Variants in MACROD2 observed in about 807,000 individuals in gnomAD.
MACROD2 encodes the protein ADP-ribose glycohydrolase MACROD2.
A neutral mutation model predicts 70.4 loss-of-function variants in MACROD2; 36 were observed. That is an observed-to-expected ratio of 0.51 (90% confidence interval 0.39 to 0.68). MACROD2 has a LOEUF of 0.68. MACROD2 is among the 30% of genes least tolerant of loss of function. MACROD2 has a pLI of 0.00. For missense variants in MACROD2, 496 were observed against 538.4 expected, an observed-to-expected ratio of 0.92 and a Z score of 0.78; for synonymous variants, 172 against 178.8, an observed-to-expected ratio of 0.96 and a Z score of 0.30.
At chr20:14,310,049 C>T (rs1428600511) in intron 3 of MACROD2, among the ~76,000 whole-genome samples, 2 of 152,026 alleles carry the variant, frequency 1.3e-5, no homozygotes, top group African/African-American at 4.8e-5. Flanking sequence ...GAAGTTATTT[C>T]CTCTTATCTT....
chr20:14,468,905 C>T (rs974124794), intron 3 of MACROD2, among the ~76,000 whole-genome samples: 1 of 152,064 alleles, frequency 6.6e-6, no homozygotes, highest in African/African-American at 2.4e-5. Flanking sequence ...CAGCCTGTGT[C>T]TTTGAATTGG....
chr20:14,384,835 T>A (rs2122783188), intron 3 of MACROD2, among the ~76,000 whole-genome samples: 1 of 152,332 alleles, frequency 6.6e-6, no homozygotes, highest in East Asian at 1.9e-4. Flanking sequence ...AGAGTTTCCA[T>A]CTGATATACT....
intron 5 of MACROD2, among the ~76,000 whole-genome samples, chr20:14,969,998 A>G (rs1356368914): frequency 6.6e-6 from 1 of 150,848 alleles, no homozygotes; most frequent in African/African-American, 2.5e-5. Flanking sequence ...TCATTGTAAT[A>G]TATAGTTGTA....
chr20:15,879,783 T>C (rs1336647349), intron 9 of MACROD2, among the ~76,000 whole-genome samples: 7 of 152,114 alleles, frequency 4.6e-5, no homozygotes, highest in African/African-American at 1.2e-4. Context: ...AGATCTGCAG[T>C]TGGCAAGTGT....
At chr20:16,004,016 G>T (rs924593268) in intron 15 of MACROD2, among the ~76,000 whole-genome samples, 1 of 152,072 alleles carries the variant, frequency 6.6e-6, no homozygotes, top group Non-Finnish European at 1.5e-5. Flanking sequence ...GGTACTGCTG[G>T]TCCAGGGACC....
chr20:15,543,596 C>T (rs1336223676), intron 8 of MACROD2, among the ~76,000 whole-genome samples: 1 of 143,242 alleles, frequency 7.0e-6, no homozygotes, highest in Non-Finnish European at 1.5e-5. Flanking sequence ...GGTAAACCTC[C>T]TCTTAAAAAA....
chr20:15,443,505 C>G (rs557172858), intron 7 of MACROD2, among the ~76,000 whole-genome samples: 1 of 152,236 alleles, frequency 6.6e-6, no homozygotes, highest in Non-Finnish European at 1.5e-5. Flanking sequence ...AATTGCCTCA[C>G]TTTGTACTTT....
intron 5 of MACROD2, among the ~76,000 whole-genome samples, chr20:15,177,611 C>G (rs774389987): frequency 2.6e-5 from 4 of 152,146 alleles, no homozygotes; most frequent in Non-Finnish European, 5.9e-5. Flanking sequence ...TCCCAGTCAT[C>G]TGCCTCATTC....
At chr20:14,516,100 A>C (rs1175425033) in intron 4 of MACROD2, among the ~76,000 whole-genome samples, 1 of 150,500 alleles carries the variant, frequency 6.6e-6, no homozygotes, top group Non-Finnish European at 1.5e-5. Context: ...TAAGAAAGAA[A>C]TTTACCTAGA....
chr20:14,480,818 AT>A (rs1052455061), intron 3 of MACROD2, among the ~76,000 whole-genome samples: 10 of 152,138 alleles, frequency 6.6e-5, no homozygotes, highest in African/African-American at 1.9e-4. Context: ...ATAAAGTTAT[AT>A]TTTTCCATGT....
At chr20:15,870,155 A>G (rs951150288) in intron 9 of MACROD2, among the ~76,000 whole-genome samples, 10 of 151,838 alleles carry the variant, frequency 6.6e-5, no homozygotes, top group African/African-American at 1.7e-4. Flanking sequence ...TCTTTCGTTT[A>G]TTTTCCCAAT....
At chr20:14,095,497 G>A (rs982215978) in intron 3 of MACROD2, among the ~76,000 whole-genome samples, 1 of 152,122 alleles carries the variant, frequency 6.6e-6, no homozygotes, top group Non-Finnish European at 1.5e-5. Flanking sequence ...ACATAGCCAC[G>A]GAGAGGTTAA....
Position 15,683,351 on chromosome 20 carries a change from T to G in MACROD2, c.646-179394T>G, listed in dbSNP as rs139456926. On this transcript the variant is annotated intron_variant, in intron 8 of 17. Coordinates refer to ENST00000684519, the MANE Select transcript of MACROD2 (RefSeq NM_001351661.2). Reference sequence around the variant, plus strand: ...GCAAGAATGAATTGTTCAATCTCTCTTTTTTTTGACATCATCCTAGAAATT... The same window carrying G: ...GCAAGAATGAATTGTTCAATCTCTCGTTTTTTTGACATCATCCTAGAAATT... Among the ~76,000 whole-genome samples the G allele has an allele frequency of 9.8e-3, 1,492 of 152,172 alleles. 21 individuals are homozygous for G. The highest frequency in any genetic ancestry group is 0.034 in the African/African-American group (1,429 of 41,528).
At chr20:15,045,084 G>A (rs1340417305) in intron 5 of MACROD2, among the ~76,000 whole-genome samples, 1 of 152,048 alleles carries the variant, frequency 6.6e-6, no homozygotes, top group African/African-American at 2.4e-5. Context: ...GGAATCCTGA[G>A]TGCACCAGTT....
intron 5 of MACROD2, among the ~76,000 whole-genome samples, chr20:14,710,392 G>T (rs2033810888): frequency 6.6e-6 from 1 of 152,168 alleles, no homozygotes; most frequent in Non-Finnish European, 1.5e-5. Context: ...ATGAAGTTTA[G>T]TGATTTAAAT....
intron 5 of MACROD2, among the ~76,000 whole-genome samples, chr20:15,010,441 A>G (rs1318426303): frequency 6.6e-6 from 1 of 152,226 alleles, no homozygotes; most frequent in African/African-American, 2.4e-5. Flanking sequence ...CAAGATCACT[A>G]TAGCCGTGGT....
In MACROD2 at chr20:14,301,970, A is replaced by G. The variant is rs370938271; in HGVS notation, c.272-191509A>G. Among the ~76,000 whole-genome samples the G allele has an allele frequency of 2.3e-4, 35 of 152,342 alleles. No homozygotes were observed. In the East Asian group the frequency reaches 6.6e-3, roughly 29 times the overall value. ...AATCTTTTTCTTATAAAAATGTAGA[A>G]AACAAATTTTACCTTTATTAGGATA... is the stretch of plus-strand genomic sequence containing the variant. On this transcript the variant is annotated intron_variant, in intron 3 of 17. Coordinates refer to ENST00000684519, the MANE Select transcript of MACROD2 (RefSeq NM_001351661.2).
At chr20:15,646,855 C>A (rs774924418) in intron 8 of MACROD2, among the ~76,000 whole-genome samples, 1 of 152,172 alleles carries the variant, frequency 6.6e-6, no homozygotes, top group Non-Finnish European at 1.5e-5. Flanking sequence ...GTCAGTTAAA[C>A]CTCTTTCCTT....
intron 3 of MACROD2, among the ~76,000 whole-genome samples, chr20:14,284,338 A>G (rs2082328332): frequency 1.3e-5 from 2 of 152,202 alleles, no homozygotes; most frequent in South Asian, 2.1e-4. Flanking sequence ...TCAGGGTTCA[A>G]AATTTCTCCA....
Sources: gnomAD v4.1 joint callset for allele counts (sites outside exome capture counted in the v4.1 genomes callset) on GRCh38, gnomAD v4.1.1 for gene constraint, MANE v1.5 for transcripts, NCBI Gene and HGNC (gene_info 2026-07-23, HGNC 2026-07-21) for gene names.